Variants in CUBN observed in about 807,000 individuals in gnomAD.
CUBN encodes the protein cubilin, also known as 460 kDa receptor.
CUBN carries 282 observed loss-of-function variants against 405.3 expected under a neutral mutation model. The observed-to-expected ratio is 0.70, with a 90% CI of 0.63 to 0.77. CUBN has a LOEUF of 0.77. Ranked by LOEUF, CUBN falls within the 30% of genes least tolerant of loss-of-function variation. The pLI is 0.00. For missense variants in CUBN, 4,514 were observed against 4,475.2 expected (o/e 1.01, Z -0.25); for synonymous variants, 1,684 against 1,617.0 (o/e 1.04, Z -0.99).
At chr10:16,847,480 TA>T (rs11353625) in intron 60 of CUBN, among the ~76,000 whole-genome samples, 33,210 of 147,934 alleles carry the variant, frequency 0.22, 3,920 homozygotes, top group East Asian at 0.45. Flanking sequence ...AGACTCCAAC[TA>T]AAAAAAAAAA....
intron 17 of CUBN, among the ~76,000 whole-genome samples, chr10:17,078,356 A>G (rs534579869): frequency 6.6e-6 from 1 of 152,098 alleles, no homozygotes; most frequent in East Asian, 1.9e-4. Flanking sequence ...TAGCACCACT[A>G]CCTGGAGTCC....
chr10:17,039,196 A>T (rs995326537), intron 27 of CUBN, among the ~76,000 whole-genome samples: 5 of 152,164 alleles, frequency 3.3e-5, no homozygotes, highest in African/African-American at 1.2e-4. Flanking sequence ...ACACTGTTAT[A>T]CGTGCAACGC....
chr10:17,080,679 A>T (rs1029304211), intron 17 of CUBN, among the ~76,000 whole-genome samples: 3 of 152,148 alleles, frequency 2.0e-5, no homozygotes, highest in South Asian at 2.1e-4. Flanking sequence ...TCACCTTAAC[A>T]TCGTATAGCC....
chr10:16,824,866 G>C lies in CUBN; in HGVS notation c.*109C>G. 1 of 805,892 alleles carries C rather than the reference G, an allele frequency of 1.2e-6. No homozygotes were observed. The highest frequency in any genetic ancestry group is 2.1e-6 in the Non-Finnish European group (1 of 468,606). The allele number at this position is 805,892 out of a possible 1,614,324, so 49.9% of individuals were successfully genotyped here. A position where few individuals can be genotyped will look rare whatever the true frequency, so the allele number is the denominator to read the frequency against. ...CATGGTTTGGTGAAAAACCATACAA[G>C]TTCAGCTTATTCTCTGTGGCATCAG... is the stretch of plus-strand genomic sequence containing the variant. On this transcript the variant is annotated 3_prime_UTR_variant, in exon 67 of 67. Transcript: ENST00000377833.
At chr10:17,104,381 G>A (rs1564516631) in intron 12 of CUBN, 38 bp downstream of exon 12, 1 of 1,591,842 alleles carries the variant, frequency 6.3e-7, no homozygotes. Context: ...CTGCTGCTAT[G>A]CTGTGAGCAT....
chr10:16,907,317 C>T (rs1259021360), intron 49 of CUBN, among the ~76,000 whole-genome samples, 191 bp downstream of exon 49: 1 of 152,190 alleles, frequency 6.6e-6, no homozygotes, highest in East Asian at 1.9e-4. Flanking sequence ...ATGGCAGTTT[C>T]TTTCTGAAAT....
intron 6 of CUBN, among the ~76,000 whole-genome samples, chr10:17,117,127 C>T (rs1342883804): frequency 6.6e-6 from 1 of 151,826 alleles, no homozygotes; most frequent in African/African-American, 2.4e-5. Context: ...ATCCATCCCC[C>T]CCATAGACAT....
At chr10:17,044,229 A>C (rs1156317822) in intron 25 of CUBN, among the ~76,000 whole-genome samples, 1 of 146,480 alleles carries the variant, frequency 6.8e-6, no homozygotes, top group Non-Finnish European at 1.5e-5. Flanking sequence ...TATTTGCATT[A>C]AATACATATA....
chr10:16,963,187 CTTTTTTTTCTTTTT>C (rs1259713407), intron 31 of CUBN, among the ~76,000 whole-genome samples: 1 of 84,350 alleles, frequency 1.2e-5, no homozygotes, highest in Non-Finnish European at 2.2e-5. Flanking sequence ...CTTTTCTTTT[CTTTTTTTTCTTTTT>C]TTTTTTTTTT....
rs1842941203 is a variant in CUBN, at chr10:16,952,292, A to G, written c.4953T>C (p.Ile1651=). Residue 1651 remains isoleucine (I), a synonymous_variant, in exon 33 of 67, where the codon ATT becomes ATC. Coordinates refer to ENST00000377833, the MANE Select transcript of CUBN (RefSeq NM_001081.4). ...GTTACTTACATGGAGGTTGCGCTTG[A>G]ATGATCCAGCTGCAGTTCTGATTGT... ...YPNNQNCSWI[I]QAQPPLNHIT... 1 of 1,612,912 alleles carries G rather than the reference A, an allele frequency of 6.2e-7. No homozygotes were observed. Among genetic ancestry groups the G allele is most frequent in the African/African-American group, 1.3e-5 (1 of 74,878 alleles).
intron 3 of CUBN, among the ~76,000 whole-genome samples, chr10:17,127,244 C>T: frequency 7.0e-6 from 1 of 141,892 alleles, no homozygotes; most frequent in African/African-American, 2.6e-5. Context: ...CTCTCTCTTT[C>T]TGTCTCTCTC....
intron 22 of CUBN, among the ~76,000 whole-genome samples, chr10:17,051,788 A>G (rs1320269332): frequency 3.3e-5 from 5 of 151,964 alleles, no homozygotes; most frequent in Non-Finnish European, 7.4e-5. Context: ...ATGGACAGAT[A>G]TTTAAAAAAA....
At chr10:17,031,244 C>A (rs1475536177) in intron 27 of CUBN, among the ~76,000 whole-genome samples, 1 of 152,104 alleles carries the variant, frequency 6.6e-6, no homozygotes, top group Non-Finnish European at 1.5e-5. Context: ...TATATCTCAA[C>A]CTAAAGAATT....
chr10:17,028,780 A>G (rs1266520250), intron 27 of CUBN, among the ~76,000 whole-genome samples: 1 of 152,116 alleles, frequency 6.6e-6, no homozygotes, highest in Non-Finnish European at 1.5e-5. Context: ...GAGCCAATGT[A>G]GGAACTGCAG....
chr10:16,949,434 G>GGTGTGTGTGTGTGT (rs59878960), intron 34 of CUBN, among the ~76,000 whole-genome samples: 1 of 108,788 alleles, frequency 9.2e-6, no homozygotes, highest in African/African-American at 3.5e-5. Flanking sequence ...TAAATGGCCT[G>GGTGTGTGTGTGTGT]GTGTGTGTGT....
chr10:16,835,605 T>C (rs12765044), intron 63 of CUBN, among the ~76,000 whole-genome samples: 70,163 of 142,320 alleles, frequency 0.49, 18,541 homozygotes, highest in Middle Eastern at 0.71. Context: ...GGCAAATCGT[T>C]ATTTACCTTT....
At chr10:16,978,797 C>G (rs1353892261) in intron 31 of CUBN, among the ~76,000 whole-genome samples, 1 of 152,130 alleles carries the variant, frequency 6.6e-6, no homozygotes, top group Non-Finnish European at 1.5e-5. Flanking sequence ...CAAGGGTGCC[C>G]TCTCTAACCA....
rs1394285922 is a variant in CUBN at position 16,888,463 on chromosome 10, A to G, written c.8859T>C (p.Asn2953=). 4.3e-6 allele frequency: 7 copies of G among 1,612,834 alleles called. No homozygotes were observed. The highest frequency in any genetic ancestry group is 4.2e-6 in the Non-Finnish European group (5 of 1,178,830). ...AAGTCAAGAGGACCACTGACAGAGG[A>G]TTAGCCTCTATGACATAGGTGCAAT... ...NMNCTYVIEA[N]PLSVVLLTFV... Residue 2953 remains asparagine (N), a synonymous_variant, in exon 56 of 67, where the codon AAT becomes AAC. Transcript: ENST00000377833.
At chr10:16,856,395 C>G (rs1839869487) in intron 59 of CUBN, among the ~76,000 whole-genome samples, 2 of 152,130 alleles carry the variant, frequency 1.3e-5, no homozygotes, top group Non-Finnish European at 2.9e-5. Context: ...AGAGAAAATA[C>G]ATGTTTTGGC....
Sources: gnomAD v4.1 joint callset for allele counts (sites outside exome capture counted in the v4.1 genomes callset) on GRCh38, gnomAD v4.1.1 for gene constraint, MANE v1.5 for transcripts, NCBI Gene and HGNC (gene_info 2026-07-23, HGNC 2026-07-21) for gene names.